Variants in TENM4 observed in about 807,000 individuals in gnomAD.
TENM4 encodes teneurin transmembrane protein 4.
TENM4 carries 82 observed loss-of-function variants against 243.3 expected under a neutral mutation model. That is an observed-to-expected ratio of 0.34 (90% CI 0.28 to 0.40). The LOEUF is 0.40. TENM4 is among the 10% of genes least tolerant of loss of function. The pLI is 1.00. For synonymous variants in TENM4, 1,412 were observed against 1,456.3 expected (o/e 0.97, Z 0.69); for missense variants, 3,138 against 3,673.3 (o/e 0.85, Z 3.77).
At chr11:79,109,352 G>C (rs1033086069) in intron 4 of TENM4, among the ~76,000 whole-genome samples, 1 of 152,232 alleles carries the variant, frequency 6.6e-6, no homozygotes, top group Non-Finnish European at 1.5e-5. Flanking sequence ...GGCAGAGGCA[G>C]CCAGGTGAGG....
At chr11:79,390,609 GA>G (rs1397863775) in intron 1 of TENM4, among the ~76,000 whole-genome samples, 3 of 149,418 alleles carry the variant, frequency 2.0e-5, no homozygotes, top group African/African-American at 7.4e-5. Flanking sequence ...GGCCGATTCA[GA>G]GTCTTTCTAG....
At chr11:79,054,643 A>G (rs1195957176) in intron 6 of TENM4, among the ~76,000 whole-genome samples, 1 of 151,848 alleles carries the variant, frequency 6.6e-6, no homozygotes, top group Non-Finnish European at 1.5e-5. Flanking sequence ...GCACACCATC[A>G]TCCTTGGCTA....
chr11:79,314,540 C>T (rs1266519665), intron 1 of TENM4, among the ~76,000 whole-genome samples: 1 of 152,198 alleles, frequency 6.6e-6, no homozygotes, highest in African/African-American at 2.4e-5. Flanking sequence ...AGATCTACCT[C>T]ACAGTTCTGT....
intron 3 of TENM4, among the ~76,000 whole-genome samples, chr11:79,175,566 T>C (rs1434960443): frequency 4.6e-5 from 7 of 152,210 alleles, no homozygotes; most frequent in Non-Finnish European, 1.0e-4. Context: ...GACTATATGT[T>C]GTTAAATGAA....
At chr11:79,161,471 C>T (rs1000132303) in intron 3 of TENM4, among the ~76,000 whole-genome samples, 11 of 152,122 alleles carry the variant, frequency 7.2e-5, no homozygotes, top group Admixed American at 2.0e-4. Context: ...CTAAATCCAA[C>T]GAGGGGCTCC....
At chr11:78,935,861 G>A (rs184022113) in intron 6 of TENM4, among the ~76,000 whole-genome samples, 22 of 152,240 alleles carry the variant, frequency 1.4e-4, no homozygotes, top group Admixed American at 5.9e-4. Flanking sequence ...TTCTAGTTTC[G>A]GTTTTGCAAC....
chr11:78,661,038 G>A (rs916071514), intron 33 of TENM4, among the ~76,000 whole-genome samples: 1 of 152,178 alleles, frequency 6.6e-6, no homozygotes, highest in Non-Finnish European at 1.5e-5. Context: ...TCTGTAAAAT[G>A]AGAACAATAC....
intron 30 of TENM4, among the ~76,000 whole-genome samples, chr11:78,674,008 G>A (rs1858401158): frequency 6.6e-6 from 1 of 152,108 alleles, no homozygotes; most frequent in African/African-American, 2.4e-5. Flanking sequence ...AAGATACAGG[G>A]GCTGTGCCAC....
intron 6 of TENM4, among the ~76,000 whole-genome samples, chr11:79,026,921 T>C (rs1424784369): frequency 6.6e-6 from 1 of 152,134 alleles, no homozygotes; most frequent in Non-Finnish European, 1.5e-5. Flanking sequence ...TCTATATAGA[T>C]TCTAACAGAG....
intron 24 of TENM4, 77 bp from the exon 25 acceptor site, chr11:78,720,467 C>A (rs1036992287): frequency 1.3e-6 from 2 of 1,523,226 alleles, no homozygotes; most frequent in Admixed American, 1.7e-5. Context: ...TTATTAGCAG[C>A]CTGAAAACTT....
chr11:78,850,893 C>T (rs1858521426), intron 12 of TENM4, among the ~76,000 whole-genome samples: 1 of 152,128 alleles, frequency 6.6e-6, no homozygotes, highest in Admixed American at 6.5e-5. Flanking sequence ...GATCACAGAG[C>T]TAACATGTGA....
chr11:78,803,272 A>T, intron 15 of TENM4, among the ~76,000 whole-genome samples: 1 of 151,776 alleles, frequency 6.6e-6, no homozygotes, highest in East Asian at 1.9e-4. Context: ...ATCATGATCT[A>T]CCCACCTCGG....
At chr11:78,743,389 A>C (rs1383562750) in intron 19 of TENM4, among the ~76,000 whole-genome samples, 1 of 152,222 alleles carries the variant, frequency 6.6e-6, no homozygotes, top group Non-Finnish European at 1.5e-5. Context: ...GAGTGGGGAA[A>C]AGAAAACCTC....
chr11:78,992,688 A>C (rs941197661), intron 6 of TENM4, among the ~76,000 whole-genome samples: 11 of 152,240 alleles, frequency 7.2e-5, no homozygotes, highest in Admixed American at 3.9e-4. Context: ...TATATGATTA[A>C]GAAATAGGTT....
At chr11:79,141,564 T>C (rs930161497) in intron 4 of TENM4, among the ~76,000 whole-genome samples, 8 of 152,002 alleles carry the variant, frequency 5.3e-5, no homozygotes, top group African/African-American at 1.7e-4. Flanking sequence ...CCAAATATTT[T>C]AAAAAGAACT....
At chr11:78,874,081 T>C (rs550510451) in intron 9 of TENM4, among the ~76,000 whole-genome samples, 1 of 152,240 alleles carries the variant, frequency 6.6e-6, no homozygotes, top group Non-Finnish European at 1.5e-5. Flanking sequence ...ACTGCCCTCA[T>C]GGTATGCATA....
intron 2 of TENM4, among the ~76,000 whole-genome samples, chr11:79,294,574 C>T (rs530592508): frequency 6.6e-6 from 1 of 152,104 alleles, no homozygotes; most frequent in South Asian, 2.1e-4. Context: ...GGGGGCCAGG[C>T]GCGGTGGCTT....
intron 1 of TENM4, among the ~76,000 whole-genome samples, chr11:79,312,606 C>T (rs1856740312): frequency 6.6e-6 from 1 of 152,132 alleles, no homozygotes; most frequent in South Asian, 2.1e-4. Context: ...GTTCTAGCAA[C>T]TGTGTTCTTA....
intron 4 of TENM4, among the ~76,000 whole-genome samples, chr11:79,127,509 A>G (rs1192097536): frequency 1.1e-4 from 2 of 18,648 alleles, no homozygotes; most frequent in East Asian, 3.0e-4. Flanking sequence ...CTTGGCAAAT[A>G]CTTTTTTTTC....
Sources: allele counts gnomAD v4.1 joint callset (sites outside exome capture counted in the v4.1 genomes callset), GRCh38; gene constraint gnomAD v4.1.1; transcripts MANE v1.5; gene names NCBI Gene and HGNC (gene_info 2026-07-23, HGNC 2026-07-21).